The following NPAS3 variants were observed in gnomAD, a reference collection of about 807,000 sequenced individuals.
NPAS3 encodes neuronal PAS domain protein 3.
Under a neutral mutation model 73.1 loss-of-function variants are expected in NPAS3, and 14 were observed. The observed-to-expected ratio is 0.19, with a 90% CI of 0.13 to 0.30. The LOEUF (loss-of-function observed/expected upper bound fraction) is 0.30. Among genes scored for constraint, NPAS3 ranks in the 10% least tolerant of loss-of-function variants. The probability of loss-of-function intolerance (pLI) is 1.00; values close to 1 mark genes in which losing one functional copy is unlikely to be tolerated. For synonymous variants in NPAS3, 620 were observed against 541.5 expected, an observed-to-expected ratio of 1.14 and a Z score of -2.01; for missense variants, 1,096 against 1,250.0, an observed-to-expected ratio of 0.88 and a Z score of 1.86.
intron 1 of NPAS3, among the ~76,000 whole-genome samples, chr14:33,018,733 T>G (rs983765896): frequency 2.6e-5 from 4 of 152,230 alleles, no homozygotes; most frequent in Admixed American, 1.3e-4. Flanking sequence ...TTAGTAAAAT[T>G]TAAAGCACTG....
At chr14:33,210,474 C>G (rs936551285) in intron 2 of NPAS3, among the ~76,000 whole-genome samples, 1 of 152,138 alleles carries the variant, frequency 6.6e-6, no homozygotes, top group Admixed American at 6.6e-5. Flanking sequence ...TGCAGCTTCC[C>G]CACTTCTGGG....
intron 7 of NPAS3, 82 bp from the exon 8 acceptor site, chr14:33,774,255 A>T (rs2062742592): frequency 9.4e-7 from 1 of 1,068,720 alleles, no homozygotes; most frequent in Admixed American, 2.1e-5. Flanking sequence ...TTCCAGATGT[A>T]ATTTTGCATT....
chr14:33,635,045 C>T (rs914749321), intron 5 of NPAS3, among the ~76,000 whole-genome samples: 3 of 152,118 alleles, frequency 2.0e-5, no homozygotes, highest in African/African-American at 7.2e-5. Context: ...GAAAGTATCA[C>T]ACAAGAACAG....
chr14:33,299,491 G>A (rs998392676), intron 3 of NPAS3, among the ~76,000 whole-genome samples: 5 of 152,134 alleles, frequency 3.3e-5, no homozygotes, highest in African/African-American at 1.2e-4. Flanking sequence ...AGCTTGACTT[G>A]AAGCCCACCA....
At chr14:33,581,433 A>G (rs1350131647) in intron 5 of NPAS3, among the ~76,000 whole-genome samples, 1 of 152,222 alleles carries the variant, frequency 6.6e-6, no homozygotes, top group African/African-American at 2.4e-5. Flanking sequence ...GACAGAAAAT[A>G]CCACCTCCAT....
intron 9 of NPAS3, 86 bp downstream of exon 9, chr14:33,778,658 T>C (rs1595598047): frequency 2.4e-6 from 2 of 848,254 alleles, no homozygotes; most frequent in Non-Finnish European, 2.0e-6. Context: ...ATTTTTCCCT[T>C]CATCTTTCCT....
At chr14:33,658,028 G>A (rs559989882) in intron 5 of NPAS3, among the ~76,000 whole-genome samples, 16 of 152,334 alleles carry the variant, frequency 1.1e-4, no homozygotes, top group African/African-American at 2.6e-4. Context: ...CTCTCAGCCC[G>A]AAAGGGCAGC....
chr14:33,416,634 C>T (rs959314038), intron 4 of NPAS3, among the ~76,000 whole-genome samples: 1 of 151,978 alleles, frequency 6.6e-6, no homozygotes, highest in East Asian at 1.9e-4. Flanking sequence ...TTCAAAAATT[C>T]AAGGGAAAAT....
At chr14:33,116,796 G>A (rs987673675) in intron 2 of NPAS3, among the ~76,000 whole-genome samples, 8 of 143,612 alleles carry the variant, frequency 5.6e-5, no homozygotes, top group East Asian at 2.4e-4. Flanking sequence ...GAAGCAGCAC[G>A]CAACCACTTC....
At chr14:33,672,040 A>C (rs971049403) in intron 5 of NPAS3, among the ~76,000 whole-genome samples, 1 of 152,230 alleles carries the variant, frequency 6.6e-6, no homozygotes, top group Non-Finnish European at 1.5e-5. Context: ...GTTAAGAAAT[A>C]TTAATTTTTA....
intron 2 of NPAS3, among the ~76,000 whole-genome samples, chr14:33,208,953 G>A (rs1405145515): frequency 2.0e-5 from 3 of 152,120 alleles, no homozygotes; most frequent in African/African-American, 7.2e-5. Context: ...TCTATATTTA[G>A]TTGTGAAATT....
upstream of NPAS3, among the ~76,000 whole-genome samples, chr14:32,939,003 G>T (rs1364394057): frequency 1.4e-5 from 2 of 146,136 alleles, no homozygotes; most frequent in South Asian, 2.1e-4. Flanking sequence ...CGCAGGCGGC[G>T]GCGGAAGCGG....
chr14:33,545,841 G>C (rs1173505455), intron 4 of NPAS3, among the ~76,000 whole-genome samples: 3 of 152,160 alleles, frequency 2.0e-5, no homozygotes, highest in Non-Finnish European at 4.4e-5. Context: ...CCAGATCTGT[G>C]AGCCATAAGA....
At chr14:33,375,608 A>G (rs2046279471) in intron 4 of NPAS3, among the ~76,000 whole-genome samples, 2 of 152,196 alleles carry the variant, frequency 1.3e-5, no homozygotes, top group Admixed American at 6.5e-5. Context: ...AAAAGTAGGG[A>G]TTGCAGTATT....
chr14:33,279,621 T>C (rs2041499912), intron 3 of NPAS3, among the ~76,000 whole-genome samples: 1 of 152,170 alleles, frequency 6.6e-6, no homozygotes, highest in Non-Finnish European at 1.5e-5. Context: ...AACAAGATCT[T>C]CAGGTGATTC....
At chr14:33,069,268 T>TC (rs948893276) in intron 2 of NPAS3, among the ~76,000 whole-genome samples, 1 of 152,192 alleles carries the variant, frequency 6.6e-6, no homozygotes, top group Non-Finnish European at 1.5e-5. Context: ...TAAGTACCTT[T>TC]CCCTCGTAAA....
chr14:33,145,436 G>T (rs992359552), intron 2 of NPAS3, among the ~76,000 whole-genome samples: 1 of 152,278 alleles, frequency 6.6e-6, no homozygotes, highest in Non-Finnish European at 1.5e-5. Flanking sequence ...GCAAATTAAG[G>T]TTTTGTTTTT....
At chr14:33,201,059 A>G (rs1203338632) in intron 2 of NPAS3, among the ~76,000 whole-genome samples, 2 of 152,230 alleles carry the variant, frequency 1.3e-5, no homozygotes, top group African/African-American at 4.8e-5. Flanking sequence ...ATTTTATGAG[A>G]TGAGATATGA....
At chr14:33,256,053 T>G (rs1272552666) in intron 3 of NPAS3, among the ~76,000 whole-genome samples, 1 of 152,210 alleles carries the variant, frequency 6.6e-6, no homozygotes, top group Non-Finnish European at 1.5e-5. Context: ...TTTGTTAGAA[T>G]AAGAACCAAT....
Sources: allele counts gnomAD v4.1 joint callset (sites outside exome capture counted in the v4.1 genomes callset), GRCh38; gene constraint gnomAD v4.1.1; transcripts MANE v1.5; gene names NCBI Gene and HGNC (gene_info 2026-07-23, HGNC 2026-07-21).